Variants in RALYL observed in about 807,000 individuals in gnomAD.
RALYL encodes RNA-binding Raly-like protein.
A neutral mutation model predicts 35.1 loss-of-function variants in RALYL; 29 were observed. That is an observed-to-expected ratio of 0.83 (90% CI 0.61 to 1.13). RALYL has a LOEUF of 1.13. Among genes scored for constraint, RALYL ranks in the 50% most tolerant of loss-of-function variants. The pLI, the probability that RALYL is intolerant of heterozygous loss-of-function variation, is 0.00. For missense variants in RALYL, 359 were observed against 360.4 expected (o/e 1.00, Z 0.03); for synonymous variants, 120 against 127.6 (o/e 0.94, Z 0.40).
chr8:84,336,297 G>A (rs1847791955), intron 1 of RALYL, among the ~76,000 whole-genome samples: 1 of 152,112 alleles, frequency 6.6e-6, no homozygotes, highest in African/African-American at 2.4e-5. Flanking sequence ...TCTAGAAAAT[G>A]TGCAAAACTG....
intron 2 of RALYL, among the ~76,000 whole-genome samples, chr8:84,541,043 T>C (rs2059985967): frequency 6.6e-6 from 1 of 152,020 alleles, no homozygotes; most frequent in Non-Finnish European, 1.5e-5. Context: ...TAGTCATCTA[T>C]TCAAACACCC....
At chr8:84,191,836 T>C (rs1732497114) in intron 1 of RALYL, among the ~76,000 whole-genome samples, 1 of 152,226 alleles carries the variant, frequency 6.6e-6, no homozygotes, top group Non-Finnish European at 1.5e-5. Context: ...CTTTCTTAGT[T>C]GATGAGGGAC....
intron 1 of RALYL, among the ~76,000 whole-genome samples, chr8:84,281,180 G>A (rs918875073): frequency 3.9e-5 from 6 of 152,016 alleles, no homozygotes; most frequent in African/African-American, 1.2e-4. Context: ...ATTTGTGGTG[G>A]GACATCTAAG....
At chr8:84,861,604 G>T (rs1020652127) in intron 5 of RALYL, among the ~76,000 whole-genome samples, 14 of 152,128 alleles carry the variant, frequency 9.2e-5, no homozygotes, top group African/African-American at 3.4e-4. Context: ...CAAATGGTCA[G>T]AATAATTAAA....
At chr8:84,690,210 G>A (rs1837742378) in intron 2 of RALYL, among the ~76,000 whole-genome samples, 1 of 152,080 alleles carries the variant, frequency 6.6e-6, no homozygotes, top group Non-Finnish European at 1.5e-5. Flanking sequence ...AAAAATGGAG[G>A]AAATCTTGTC....
At position 84,353,883 on chromosome 8, in the gene RALYL, A is replaced by G. The variant is rs557902828; in HGVS notation, c.-24+169459A>G. ...TCTTTGTTCCTCTTTGAAAGCCATT[A>G]TATAACAAAAGGATCATTTTGAGTA... On this transcript the variant is annotated intron_variant, in intron 1 of 8. Transcript: ENST00000521268. Among the ~76,000 whole-genome samples, 37 of 150,114 alleles carry G rather than the reference A, an allele frequency of 2.5e-4. 1 individual carries two copies. Among genetic ancestry groups the G allele is most frequent in the African/African-American group, 8.4e-4 (34 of 40,390 alleles).
intron 8 of RALYL, among the ~76,000 whole-genome samples, chr8:84,911,050 T>C (rs967454491): frequency 6.6e-6 from 1 of 152,078 alleles, no homozygotes; most frequent in Non-Finnish European, 1.5e-5. Flanking sequence ...CTGGAAGTAT[T>C]GATATATTAG....
intron 3 of RALYL, among the ~76,000 whole-genome samples, chr8:84,782,162 G>A (rs1374528898): frequency 6.6e-6 from 1 of 152,076 alleles, no homozygotes; most frequent in Non-Finnish European, 1.5e-5. Flanking sequence ...ACTATACTGT[G>A]ACAAATTTAT....
chr8:84,440,090 A>C lies in RALYL; in HGVS notation c.-23-89209A>C, dbSNP rs556357297. Among the ~76,000 whole-genome samples the C allele has an allele frequency of 2.0e-4, 30 of 152,244 alleles. 2 individuals carry two copies. The South Asian group carries it at 5.8e-3, about 29-fold the overall frequency. ...CATTATGATTAAGGCAGAATGTTGG[A>C]GCTTACTGCAAAATTTCTTTAGAAA... On this transcript the variant is annotated intron_variant, in intron 1 of 8. Transcript: ENST00000521268.
intron 2 of RALYL, among the ~76,000 whole-genome samples, chr8:84,578,184 G>A (rs1411027197): frequency 6.6e-6 from 1 of 152,236 alleles, no homozygotes; most frequent in Non-Finnish European, 1.5e-5. Flanking sequence ...TGCTGCAGTG[G>A]GATGGGCAGC....
At chr8:84,736,334 A>G (rs1167491156) in intron 2 of RALYL, among the ~76,000 whole-genome samples, 10 of 152,118 alleles carry the variant, frequency 6.6e-5, no homozygotes, top group Non-Finnish European at 1.2e-4. Flanking sequence ...ATAAGGAAAA[A>G]AATCATCTTC....
At chr8:84,449,359 T>C (rs1009832037) in intron 1 of RALYL, among the ~76,000 whole-genome samples, 5 of 151,982 alleles carry the variant, frequency 3.3e-5, no homozygotes, top group Non-Finnish European at 7.4e-5. Context: ...TGATTATTCC[T>C]GGAAAAGAAA....
intron 5 of RALYL, among the ~76,000 whole-genome samples, chr8:84,856,253 T>C (rs1836958367): frequency 6.6e-6 from 1 of 152,322 alleles, no homozygotes; most frequent in East Asian, 1.9e-4. Context: ...GTTTCCTTCC[T>C]GGGCAAAATG....
chr8:84,665,436 C>T (rs1010152625), intron 2 of RALYL, among the ~76,000 whole-genome samples: 3 of 151,432 alleles, frequency 2.0e-5, no homozygotes, highest in Non-Finnish European at 4.4e-5. Context: ...TTGTCTGGTC[C>T]TGTGCTGTTT....
intron 2 of RALYL, among the ~76,000 whole-genome samples, chr8:84,648,137 A>G (rs976381477): frequency 6.6e-6 from 1 of 151,886 alleles, no homozygotes; most frequent in Non-Finnish European, 1.5e-5. Flanking sequence ...CACACACACG[A>G]CATTGCCGCT....
In RALYL at chr8:84,291,428, A is replaced by T. The variant is rs142971457; in HGVS notation, c.-24+107004A>T. 2.9e-3 allele frequency among the ~76,000 whole-genome samples: 445 copies of T among 152,302 alleles called. 8 individuals are homozygous for T. The South Asian group carries it at 0.041, about 14-fold the overall frequency. Reference sequence around the variant, plus strand: ...TGTGTAGAATAAATGGGCATTTAGAAAATCTTAAAAATTCTTTGTACAATA... The same window carrying T: ...TGTGTAGAATAAATGGGCATTTAGATAATCTTAAAAATTCTTTGTACAATA... On this transcript the variant is annotated intron_variant, in intron 1 of 8. Transcript: ENST00000521268.
chr8:84,596,294 C>A (rs1814518367), intron 2 of RALYL, among the ~76,000 whole-genome samples: 1 of 152,034 alleles, frequency 6.6e-6, no homozygotes, highest in Non-Finnish European at 1.5e-5. Flanking sequence ...TTCAGTTGGT[C>A]CATATTTTAG....
intron 1 of RALYL, among the ~76,000 whole-genome samples, chr8:84,207,356 G>A (rs1049635077): frequency 6.6e-6 from 1 of 151,844 alleles, no homozygotes; most frequent in Non-Finnish European, 1.5e-5. Context: ...AATATACATT[G>A]TTATATATCA....
In RALYL at chr8:84,295,452, T is replaced by C. The variant is rs553563764; in HGVS notation, c.-24+111028T>C. On this transcript the variant is annotated intron_variant, in intron 1 of 8. Transcript: ENST00000521268. ...TAGAGACAGTGAGGAATGGTTTTAT[T>C]TTATTTAATTATTTATATTTTCATT... 3.3e-5 allele frequency among the ~76,000 whole-genome samples: 5 copies of C among 152,236 alleles called. No individual in the cohort carries two copies. The South Asian group carries it at 1.0e-3, about 32-fold the overall frequency.
Sources: gnomAD v4.1 joint callset for allele counts (sites outside exome capture counted in the v4.1 genomes callset) on GRCh38, gnomAD v4.1.1 for gene constraint, MANE v1.5 for transcripts, NCBI Gene and HGNC (gene_info 2026-07-23, HGNC 2026-07-21) for gene names.